ZNRF3: variants seen among roughly 807,000 people sequenced by gnomAD.
ZNRF3 encodes zinc and ring finger 3.
Under a neutral mutation model 72.5 loss-of-function variants are expected in ZNRF3, and 23 were observed. The observed-to-expected ratio is 0.32, with a 90% CI of 0.23 to 0.45. ZNRF3 has a LOEUF of 0.45. ZNRF3 is among the 20% of genes least tolerant of loss of function. The pLI is 1.00. For missense variants in ZNRF3, 1,169 were observed against 1,272.1 expected, an observed-to-expected ratio of 0.92 and a Z score of 1.23; for synonymous variants, 610 against 545.3, an observed-to-expected ratio of 1.12 and a Z score of -1.65.
chr22:29,052,925 C>T (rs1470167600), intron 8 of ZNRF3, among the ~76,000 whole-genome samples: 1 of 152,130 alleles, frequency 6.6e-6, no homozygotes, highest in Non-Finnish European at 1.5e-5. Flanking sequence ...GTCATGATCT[C>T]ACCACTGCAC....
chr22:28,887,890 A>G lies in ZNRF3; in HGVS notation c.300+3824A>G, dbSNP rs182701644. Among the ~76,000 whole-genome samples, 5 of 152,350 alleles carry G rather than the reference A, an allele frequency of 3.3e-5. No individual in the cohort carries two copies. The East Asian group carries it at 9.6e-4, about 29-fold the overall frequency. On this transcript the variant is annotated intron_variant, in intron 1 of 8. Coordinates refer to ENST00000544604, the MANE Select transcript of ZNRF3 (RefSeq NM_001206998.2). ...ATAAAGGCCCGATTAAACACCGGCT[A>G]GTGGTATGTGGATTGGTTAAACAAA... is the stretch of plus-strand genomic sequence containing the variant.
chr22:28,933,962 A>G (rs780450817), intron 1 of ZNRF3, among the ~76,000 whole-genome samples: 2 of 151,856 alleles, frequency 1.3e-5, no homozygotes, highest in Non-Finnish European at 2.9e-5. Flanking sequence ...CTTTCTGCTT[A>G]AGGACCTGAT....
rs2037246214 is a variant in ZNRF3, at chr22:29,053,558, A to T, written c.2768-21A>T. 9.3e-6 allele frequency: 15 copies of T among 1,611,482 alleles called. No homozygotes were observed. The East Asian group carries it at 3.1e-4, about 34-fold the overall frequency. On this transcript the variant is annotated intron_variant, in intron 8 of 8. Transcript: ENST00000544604. ...GTGGTGCCAGCTCCCTCCCCTGATG[A>T]TTGTTCTCTCTCTTTCCCAGGACCG...
chr22:28,911,466 A>G (rs1325212693), intron 1 of ZNRF3, among the ~76,000 whole-genome samples: 5 of 152,096 alleles, frequency 3.3e-5, no homozygotes, highest in Admixed American at 3.3e-4. Context: ...TCCAGCAGTC[A>G]CTCCTCTCTT....
chr22:28,894,284 C>T (rs538663146), intron 1 of ZNRF3, among the ~76,000 whole-genome samples: 18 of 151,800 alleles, frequency 1.2e-4, no homozygotes, highest in African/African-American at 3.4e-4. Flanking sequence ...TACAAAATGT[C>T]GTAAAAGTGA....
chr22:28,928,490 C>CTTTT (rs10710766), intron 1 of ZNRF3, among the ~76,000 whole-genome samples: 20 of 80,592 alleles, frequency 2.5e-4, no homozygotes, highest in African/African-American at 3.3e-4. Flanking sequence ...CCAGAAATGT[C>CTTTT]TTTTTTTTTT....
intron 2 of ZNRF3, chr22:29,025,779 C>T (rs2036623869): frequency 1.3e-5 from 2 of 152,292 alleles, no homozygotes; most frequent in South Asian, 2.1e-4. Flanking sequence ...GCCTCAGCCT[C>T]CCAAAGTGCT....
At chr22:29,028,079 C>T (rs987171839) in intron 2 of ZNRF3, among the ~76,000 whole-genome samples, 10 of 152,108 alleles carry the variant, frequency 6.6e-5, no homozygotes, top group African/African-American at 2.4e-4. Flanking sequence ...TACAAAATCA[C>T]GTAAAAGGAG....
In ZNRF3 at chr22:28,963,875, T is replaced by G. The variant is rs536091526; in HGVS notation, c.301-23201T>G. 4.6e-5 allele frequency among the ~76,000 whole-genome samples: 7 copies of G among 152,296 alleles called. No homozygotes were observed. The South Asian group carries it at 6.2e-4, about 14-fold the overall frequency. On this transcript the variant is annotated intron_variant, in intron 1 of 8. Transcript: ENST00000544604. ...TTAAAGCCACTCCCTAAACCCACAC[T>G]CATCAGCAACAGGGCACCTTGAAAG... is the stretch of plus-strand genomic sequence containing the variant.
chr22:28,927,784 T>C (rs1258654965), intron 1 of ZNRF3, among the ~76,000 whole-genome samples: 1 of 152,220 alleles, frequency 6.6e-6, no homozygotes, highest in Non-Finnish European at 1.5e-5. Flanking sequence ...TTACGGGAGC[T>C]CAGATAGATT....
At chr22:28,902,615 GGA>G (rs2034129999) in intron 1 of ZNRF3, among the ~76,000 whole-genome samples, 1 of 152,152 alleles carries the variant, frequency 6.6e-6, no homozygotes, top group Non-Finnish European at 1.5e-5. Context: ...TCCTTTGATG[GGA>G]GAGGCTGCAG....
In ZNRF3 at chr22:29,050,474, C is replaced by T; in HGVS notation, c.2293C>T (p.His765Tyr). Reference sequence around the variant, plus strand: ...GGGCTTGTACGGCCTTCACCCCGACCATTTGCCCAGGACAGATGGGGTGAA... The same window carrying T: ...GGGCTTGTACGGCCTTCACCCCGACTATTTGCCCAGGACAGATGGGGTGAA... ...SQGLYGLHPD[H>Y]LPRTDGVKYE... Residue 765 changes from histidine (H) to tyrosine (Y), a missense_variant, in exon 8 of 9, where the codon CAT (histidine) becomes TAT (tyrosine). This residue lies in a region of ZNRF3 where 783 missense variants were observed against 731.4 expected (regional missense o/e 1.07). Coordinates refer to ENST00000544604, the MANE Select transcript of ZNRF3 (RefSeq NM_001206998.2). 2 of 1,612,676 alleles carry T rather than the reference C, an allele frequency of 1.2e-6. No homozygotes were observed. Among genetic ancestry groups the T allele is most frequent in the Non-Finnish European group, 1.7e-6 (2 of 1,179,828 alleles).
At chr22:28,994,618 A>G (rs1213016521) in intron 2 of ZNRF3, among the ~76,000 whole-genome samples, 2 of 152,142 alleles carry the variant, frequency 1.3e-5, no homozygotes, top group African/African-American at 2.4e-5. Context: ...TGAAGCTTCC[A>G]TTTGAGAAGA....
chr22:28,959,192 C>T (rs950417488), intron 1 of ZNRF3, among the ~76,000 whole-genome samples: 1 of 152,246 alleles, frequency 6.6e-6, no homozygotes, highest in Non-Finnish European at 1.5e-5. Context: ...CTTGCATGAG[C>T]ATCTGACCCA....
intron 1 of ZNRF3, among the ~76,000 whole-genome samples, chr22:28,900,293 T>C (rs1397853489): frequency 6.6e-6 from 1 of 152,184 alleles, no homozygotes; most frequent in African/African-American, 2.4e-5. Context: ...GAAGGTGCCA[T>C]CACCCATAAG....
Position 29,049,319 on chromosome 22 carries a change from G to A in ZNRF3, c.1138G>A (p.Ala380Thr). ...GRVHRTNAIP[A>T]YPTRTSMDSH... ...CGTGCACAGGACCAACGCCATCCCA[G>A]CCTACCCTACGAGGACAAGCATGGA... The change falls in exon 8 of 9, where the codon GCC (alanine) becomes ACC (threonine). Residue 380 changes from alanine to threonine, a missense_variant. Around this residue, in one of 2 missense-constraint regions of ZNRF3, gnomAD observed 386 missense variants for 540.7 expected, o/e 0.71. Coordinates refer to ENST00000544604, the MANE Select transcript of ZNRF3 (RefSeq NM_001206998.2). This position sits in a 1 kb window ranked among gnomAD's most constrained non-coding sequence, Gnocchi z 5.2. 2 of 1,613,890 alleles carry A rather than the reference G, an allele frequency of 1.2e-6. No homozygotes were observed. Among genetic ancestry groups the A allele is most frequent in the Non-Finnish European group, 1.7e-6 (2 of 1,180,012 alleles).
intron 1 of ZNRF3, among the ~76,000 whole-genome samples, chr22:28,916,636 A>T (rs1354654237): frequency 1.3e-5 from 2 of 152,186 alleles, no homozygotes; most frequent in Non-Finnish European, 2.9e-5. Context: ...GACTAAAGGC[A>T]TCCTCTTAAT....
chr22:29,026,751 G>T (rs1453830929), intron 2 of ZNRF3: 1 of 152,238 alleles, frequency 6.6e-6, no homozygotes, highest in East Asian at 1.9e-4. Flanking sequence ...TTTTGTGCCT[G>T]CTGGGTTCCA....
Position 28,923,924 on chromosome 22 carries a change from A to G in ZNRF3, c.300+39858A>G, listed in dbSNP as rs750838572. Reference sequence around the variant, plus strand: ...GGTGGGGGACCGAGCGGGCGAGGCCATGGCTTTGCGCTGGCCGGGCAATCA... The same window carrying G: ...GGTGGGGGACCGAGCGGGCGAGGCCGTGGCTTTGCGCTGGCCGGGCAATCA... On this transcript the variant is annotated intron_variant, in intron 1 of 8. Coordinates refer to ENST00000544604, the MANE Select transcript of ZNRF3 (RefSeq NM_001206998.2). Among the ~76,000 whole-genome samples, 8 of 152,186 alleles carry G rather than the reference A, an allele frequency of 5.3e-5. 1 individual carries two copies. Among genetic ancestry groups the G allele is most frequent in the South Asian group, 4.1e-4 (2 of 4,828 alleles).
Sources: allele counts gnomAD v4.1 joint callset (sites outside exome capture counted in the v4.1 genomes callset), GRCh38; gene constraint gnomAD v4.1.1; regional missense constraint gnomAD v4.1.1; non-coding constraint Gnocchi (gnomAD v3.1); transcripts MANE v1.5; gene names NCBI Gene and HGNC (gene_info 2026-07-23, HGNC 2026-07-21).